CADM1: variants seen among roughly 807,000 people sequenced by gnomAD.
CADM1 encodes the protein cell adhesion molecule 1.
Under a neutral mutation model 53.1 loss-of-function variants are expected in CADM1, and 15 were observed. The ratio of observed to expected loss-of-function variants is 0.28; its 90% CI spans 0.19 to 0.44. The LOEUF is 0.44. Among genes scored for constraint, CADM1 ranks in the 20% least tolerant of loss-of-function variants. The probability of loss-of-function intolerance (pLI) is 1.00; values close to 1 mark genes in which losing one functional copy is unlikely to be tolerated. For synonymous variants in CADM1, 281 were observed against 243.0 expected (o/e 1.16, Z -1.45); for missense variants, 434 against 611.3 (o/e 0.71, Z 3.06).
intron 5 of CADM1, among the ~76,000 whole-genome samples, chr11:115,225,701 C>A (rs911156023): frequency 5.3e-5 from 8 of 152,186 alleles, no homozygotes; most frequent in Non-Finnish European, 1.2e-4. Flanking sequence ...GACAGAGGTG[C>A]AACACTTCCT....
At chr11:115,229,765 T>C (rs989295104) in intron 4 of CADM1, among the ~76,000 whole-genome samples, 4 of 152,218 alleles carry the variant, frequency 2.6e-5, no homozygotes, top group Non-Finnish European at 5.9e-5. Context: ...ACAACCCCCT[T>C]TGCCTACTCC....
intron 1 of CADM1, among the ~76,000 whole-genome samples, chr11:115,409,287 A>G (rs1472729968): frequency 1.3e-5 from 2 of 152,234 alleles, no homozygotes; most frequent in African/African-American, 4.8e-5. Context: ...CATAACACAC[A>G]AAGACAATGT....
intron 1 of CADM1, among the ~76,000 whole-genome samples, chr11:115,265,762 T>C (rs1001107829): frequency 3.3e-5 from 5 of 152,224 alleles, no homozygotes; most frequent in African/African-American, 1.2e-4. Flanking sequence ...ACTTAAAATA[T>C]ATGGCTGTAC....
chr11:115,177,655 C>A (rs1001947150), intron 11 of CADM1, among the ~76,000 whole-genome samples: 10 of 151,870 alleles, frequency 6.6e-5, no homozygotes, highest in African/African-American at 2.4e-4. Flanking sequence ...TGCTCTCTGG[C>A]CTTACCTCCT....
intron 1 of CADM1, among the ~76,000 whole-genome samples, chr11:115,409,313 CAG>C (rs1232686289): frequency 6.6e-6 from 1 of 152,186 alleles, no homozygotes; most frequent in Non-Finnish European, 1.5e-5. Flanking sequence ...CCATGCAGCA[CAG>C]AGTCACTTTA....
Position 115,391,826 on chromosome 11 carries a change from C to T in CADM1, c.124+112445G>A, listed in dbSNP as rs566122600. Reference sequence around the variant, plus strand: ...GGAGCCTGATTAAAGGCAGAGTTCCCGCCCATGCATGCAGACAGGAAGATC... The same window carrying T: ...GGAGCCTGATTAAAGGCAGAGTTCCTGCCCATGCATGCAGACAGGAAGATC... On this transcript the variant is annotated intron_variant, in intron 1 of 11. Transcript: ENST00000331581. Among the ~76,000 whole-genome samples the T allele has an allele frequency of 4.1e-4, 62 of 152,242 alleles. 1 individual carries two copies. The South Asian group carries it at 6.6e-3, about 16-fold the overall frequency.
chr11:115,226,254 T>C (rs1941603928), intron 5 of CADM1, among the ~76,000 whole-genome samples: 1 of 152,184 alleles, frequency 6.6e-6, no homozygotes, highest in African/African-American at 2.4e-5. Context: ...ATAAAGTGAC[T>C]TAAAGAAAAA....
chr11:115,306,843 A>T (rs1176988909), intron 1 of CADM1, among the ~76,000 whole-genome samples: 1 of 152,026 alleles, frequency 6.6e-6, no homozygotes, highest in Non-Finnish European at 1.5e-5. Context: ...ATAGACATGC[A>T]ACAGTTTTAA....
At chr11:115,213,799 T>C (rs1941064002) in intron 7 of CADM1, among the ~76,000 whole-genome samples, 1 of 152,226 alleles carries the variant, frequency 6.6e-6, no homozygotes, top group Admixed American at 6.5e-5. Context: ...ACTCATTCTT[T>C]GTCATGTCAG....
At chr11:115,269,127 CA>C (rs916633852) in intron 1 of CADM1, among the ~76,000 whole-genome samples, 1 of 152,062 alleles carries the variant, frequency 6.6e-6, no homozygotes, top group Non-Finnish European at 1.5e-5. Flanking sequence ...GGTGCAACTT[CA>C]GCGCTCCAAT....
chr11:115,363,555 A>C (rs1946083726), intron 1 of CADM1: 1 of 152,230 alleles, frequency 6.6e-6, no homozygotes, highest in South Asian at 2.1e-4. Context: ...TAATAGAAAG[A>C]ATAAGATGAA....
At chr11:115,494,429 A>G (rs1281819422) in intron 1 of CADM1, among the ~76,000 whole-genome samples, 4 of 152,182 alleles carry the variant, frequency 2.6e-5, no homozygotes, top group Non-Finnish European at 5.9e-5. Context: ...AACATAGTAT[A>G]TAAAATATAA....
intron 1 of CADM1, among the ~76,000 whole-genome samples, chr11:115,416,118 T>A (rs12294499): frequency 1.3e-5 from 2 of 152,246 alleles, no homozygotes; most frequent in Non-Finnish European, 1.5e-5. Context: ...TGTAGTGGCA[T>A]AGCTCTTCCG....
At chr11:115,367,242 T>C (rs540750760) in intron 1 of CADM1, among the ~76,000 whole-genome samples, 75 of 152,314 alleles carry the variant, frequency 4.9e-4, no homozygotes, top group Admixed American at 1.7e-3. Context: ...AATCATCATA[T>C]ATGTAAGAAT....
intron 1 of CADM1, among the ~76,000 whole-genome samples, chr11:115,325,343 A>T (rs1035714149): frequency 3.9e-5 from 6 of 152,258 alleles, no homozygotes; most frequent in African/African-American, 1.4e-4. Context: ...GTCATCAATA[A>T]GGGTCCTTGC....
intron 1 of CADM1, among the ~76,000 whole-genome samples, chr11:115,255,860 C>A (rs977094237): frequency 1.3e-5 from 2 of 152,176 alleles, no homozygotes. Context: ...ATAACAACAA[C>A]CAATGCACAA....
chr11:115,405,130 AT>A (rs1425621454), intron 1 of CADM1, among the ~76,000 whole-genome samples: 1 of 151,868 alleles, frequency 6.6e-6, no homozygotes, highest in Non-Finnish European at 1.5e-5. Flanking sequence ...ATTTATTTTT[AT>A]TTTTTTAAAG....
At chr11:115,260,817 C>T (rs895256192) in intron 1 of CADM1, among the ~76,000 whole-genome samples, 10 of 150,650 alleles carry the variant, frequency 6.6e-5, no homozygotes, top group Admixed American at 6.0e-4. Context: ...GGACTACAGG[C>T]GCCTGCCACC....
intron 1 of CADM1, among the ~76,000 whole-genome samples, chr11:115,469,526 G>A (rs1318312229): frequency 6.6e-6 from 1 of 152,138 alleles, no homozygotes; most frequent in East Asian, 1.9e-4. Context: ...AGTGCTTTAG[G>A]ATGACATGAA....
Sources: allele counts gnomAD v4.1 joint callset (sites outside exome capture counted in the v4.1 genomes callset), GRCh38; gene constraint gnomAD v4.1.1; transcripts MANE v1.5; gene names NCBI Gene and HGNC (gene_info 2026-07-23, HGNC 2026-07-21).